The following NALCN variants were observed in gnomAD, a reference collection of about 807,000 sequenced individuals.
NALCN encodes the protein sodium leak channel NALCN.
NALCN carries 111 observed loss-of-function variants against 225.3 expected under a neutral mutation model. The observed-to-expected ratio is 0.49, with a 90% confidence interval of 0.42 to 0.58. NALCN has a LOEUF of 0.58. Ranked by LOEUF, NALCN falls within the 20% of genes least tolerant of loss-of-function variation. The pLI is 0.00. For missense variants in NALCN, 1,378 were observed against 2,202.4 expected (o/e 0.63, Z 7.49); for synonymous variants, 764 against 769.0 (o/e 0.99, Z 0.11).
chr13:101,367,275 GAA>G (rs2046403805), intron 6 of NALCN, among the ~76,000 whole-genome samples: 1 of 151,936 alleles, frequency 6.6e-6, no homozygotes. Flanking sequence ...TGTTTCATCT[GAA>G]AGGTATTATC....
At chr13:101,125,307 A>T (rs1481889086) in intron 17 of NALCN, among the ~76,000 whole-genome samples, 1 of 152,158 alleles carries the variant, frequency 6.6e-6, no homozygotes, top group Non-Finnish European at 1.5e-5. Flanking sequence ...AGCAGGCAGA[A>T]GAAGGGCAAA....
intron 7 of NALCN, among the ~76,000 whole-genome samples, chr13:101,321,787 T>C (rs2044754233): frequency 6.6e-6 from 1 of 152,126 alleles, no homozygotes; most frequent in Non-Finnish European, 1.5e-5. Context: ...TATATACCCA[T>C]ATGAAAGTGA....
chr13:101,219,762 T>C (rs1014500741), intron 13 of NALCN, among the ~76,000 whole-genome samples: 1 of 152,178 alleles, frequency 6.6e-6, no homozygotes, highest in Non-Finnish European at 1.5e-5. Context: ...CTGAACACTT[T>C]CTAGTGTGTT....
intron 14 of NALCN, among the ~76,000 whole-genome samples, chr13:101,185,483 C>T (rs2039410680): frequency 6.6e-6 from 1 of 152,162 alleles, no homozygotes. Flanking sequence ...AGTCTTTCAA[C>T]TTGTTAGGTC....
At chr13:101,193,784 T>C in intron 13 of NALCN, among the ~76,000 whole-genome samples, 1 of 152,214 alleles carries the variant, frequency 6.6e-6, no homozygotes, top group East Asian at 1.9e-4. Context: ...TTTTTTCCTG[T>C]ATTTTTTTTC....
intron 28 of NALCN, among the ~76,000 whole-genome samples, chr13:101,094,995 TA>T (rs1449602611): frequency 6.6e-6 from 1 of 152,172 alleles, no homozygotes; most frequent in Non-Finnish European, 1.5e-5. Context: ...TGGTCATTAA[TA>T]AAATAAGAAA....
intron 10 of NALCN, among the ~76,000 whole-genome samples, chr13:101,270,046 T>C (rs1347514528): frequency 1.3e-5 from 2 of 152,222 alleles, no homozygotes; most frequent in Admixed American, 1.3e-4. Context: ...CTGATGTTCC[T>C]AGACTTCAGT....
chr13:101,302,287 A>G (rs2044001427), intron 7 of NALCN, among the ~76,000 whole-genome samples: 1 of 152,218 alleles, frequency 6.6e-6, no homozygotes, highest in Non-Finnish European at 1.5e-5. Context: ...AGTCTACCTC[A>G]GAAGAGCTAC....
At chr13:101,238,205 A>G (rs181146927) in intron 11 of NALCN, among the ~76,000 whole-genome samples, 2 of 152,002 alleles carry the variant, frequency 1.3e-5, no homozygotes, top group Admixed American at 1.3e-4. Context: ...TTTTAAAACC[A>G]TTATTATTTA....
rs534822534 is a variant in NALCN, at chr13:101,226,097, A to T, written c.1626+3296T>A. On this transcript the variant is annotated intron_variant, in intron 13 of 43. Transcript: ENST00000251127. ...GAGCAGGAGATCGTCGTCTTGGAGAAACACCACCATTTTAAGTTCCCTTTG... is the reference window on the plus strand; with the variant it reads ...GAGCAGGAGATCGTCGTCTTGGAGATACACCACCATTTTAAGTTCCCTTTG... Among the ~76,000 whole-genome samples the T allele has an allele frequency of 5.9e-5, 9 of 152,218 alleles. No homozygotes were observed. In the South Asian group the frequency reaches 6.2e-4, roughly 11 times the overall value.
chr13:101,095,230 T>C lies in NALCN; in HGVS notation c.3269+344A>G, dbSNP rs112199700. Among the ~76,000 whole-genome samples the C allele has an allele frequency of 8.6e-4, 131 of 152,316 alleles. 1 individual carries two copies. Among genetic ancestry groups the C allele is most frequent in the Middle Eastern group, 6.8e-3 (2 of 294 alleles). ...GACATCAGATCCTCCTTTAAAGATATAAACTCAGGATAAGTTTAGTTTTAA... is the reference window on the plus strand; with the variant it reads ...GACATCAGATCCTCCTTTAAAGATACAAACTCAGGATAAGTTTAGTTTTAA... On this transcript the variant is annotated intron_variant, in intron 28 of 43. Transcript: ENST00000251127.
At chr13:101,215,061 A>G (rs2040676636) in intron 13 of NALCN, among the ~76,000 whole-genome samples, 1 of 152,172 alleles carries the variant, frequency 6.6e-6, no homozygotes, top group African/African-American at 2.4e-5. Flanking sequence ...TTCAGGCTAA[A>G]TGAAGAGCTA....
At position 101,133,970 on chromosome 13, in the gene NALCN, C is replaced by T. The variant is rs563720907; in HGVS notation, c.2118+9110G>A. ...GGATCACGAGGTCAGGAGATCGAGA[C>T]CATCCTGGCTAACATGGTGAAACCC... On this transcript the variant is annotated intron_variant, in intron 17 of 43. Transcript: ENST00000251127. 2.4e-4 allele frequency among the ~76,000 whole-genome samples: 36 copies of T among 152,100 alleles called. No homozygotes were observed. The South Asian group carries it at 5.2e-3, about 22-fold the overall frequency.
chr13:101,067,308 G>T (rs866615563), intron 39 of NALCN, among the ~76,000 whole-genome samples: 1 of 74,830 alleles, frequency 1.3e-5, no homozygotes, highest in Non-Finnish European at 2.5e-5. Context: ...AGAGGAGGGG[G>T]AAGAGGAGGG....
At chr13:101,215,357 C>A (rs2040688481) in intron 13 of NALCN, among the ~76,000 whole-genome samples, 1 of 152,120 alleles carries the variant, frequency 6.6e-6, no homozygotes, top group South Asian at 2.1e-4. Flanking sequence ...ACATCCAACA[C>A]CTGGATGCAT....
chr13:101,303,961 C>T (rs980708834), intron 7 of NALCN, among the ~76,000 whole-genome samples: 1 of 152,264 alleles, frequency 6.6e-6, no homozygotes, highest in Non-Finnish European at 1.5e-5. Context: ...AAATATGGAG[C>T]AATTGGCAAT....
chr13:101,214,482 A>G (rs911911201), intron 13 of NALCN, among the ~76,000 whole-genome samples: 1 of 151,018 alleles, frequency 6.6e-6, no homozygotes, highest in African/African-American at 2.5e-5. Context: ...TCCATGGAGT[A>G]CTGTTTCTTC....
intron 3 of NALCN, among the ~76,000 whole-genome samples, chr13:101,392,823 A>G (rs886805216): frequency 2.0e-5 from 3 of 152,250 alleles, no homozygotes; most frequent in African/African-American, 7.2e-5. Context: ...TTAGTAAAGT[A>G]GCAGAATATA....
At chr13:101,132,097 A>G (rs1045791442) in intron 17 of NALCN, among the ~76,000 whole-genome samples, 11 of 151,824 alleles carry the variant, frequency 7.2e-5, no homozygotes, top group African/African-American at 2.4e-4. Context: ...GAATGCTTGG[A>G]GGATTAATTT....
Sources: allele counts gnomAD v4.1 joint callset (sites outside exome capture counted in the v4.1 genomes callset), GRCh38; gene constraint gnomAD v4.1.1; transcripts MANE v1.5; gene names NCBI Gene and HGNC (gene_info 2026-07-23, HGNC 2026-07-21).